The following MARCHF6 variants were observed in gnomAD, a reference collection of about 807,000 sequenced individuals.
The protein encoded by MARCHF6 is membrane associated ring-CH-type finger 6.
A neutral mutation model predicts 133.7 loss-of-function variants in MARCHF6; 31 were observed. The ratio of observed to expected loss-of-function variants is 0.23; its 90% CI spans 0.17 to 0.31. The LOEUF (loss-of-function observed/expected upper bound fraction) is 0.31, where lower values mean the gene tolerates loss of function less well. MARCHF6 is among the 10% of genes least tolerant of loss of function. The probability of loss-of-function intolerance (pLI) is 1.00; values close to 1 mark genes in which losing one functional copy is unlikely to be tolerated. For synonymous variants in MARCHF6, 395 were observed against 402.5 expected, an observed-to-expected ratio of 0.98 and a Z score of 0.22; for missense variants, 723 against 1,121.6, an observed-to-expected ratio of 0.64 and a Z score of 5.08.
intron 1 of MARCHF6, among the ~76,000 whole-genome samples, chr5:10,366,306 T>C (rs1347738869): frequency 6.6e-6 from 1 of 152,260 alleles, no homozygotes; most frequent in African/African-American, 2.4e-5. Flanking sequence ...TATTTTGGGC[T>C]ATATAGGTTA....
At chr5:10,400,952 G>A in intron 11 of MARCHF6, 110 bp downstream of exon 11, 1 of 866,932 alleles carries the variant, frequency 1.2e-6, no homozygotes, top group Non-Finnish European at 1.8e-6. Context: ...CATTATGCAA[G>A]GGAATAGTTA....
At chr5:10,427,378 T>G (rs971073740) in intron 24 of MARCHF6, among the ~76,000 whole-genome samples, 1 of 152,228 alleles carries the variant, frequency 6.6e-6, no homozygotes, top group Non-Finnish European at 1.5e-5. Flanking sequence ...TTTTTTTCAT[T>G]GGTTCCTCTG....
chr5:10,379,918 A>G, intron 3 of MARCHF6, among the ~76,000 whole-genome samples: 1 of 152,126 alleles, frequency 6.6e-6, no homozygotes. Context: ...ACAAAGTTTT[A>G]AATTACCGTT....
Position 10,418,381 on chromosome 5 carries a change from CA to C in MARCHF6, c.2283+993del, listed in dbSNP as rs36005391. Among the ~76,000 whole-genome samples, 639 of 92,220 alleles carry C rather than the reference CA, an allele frequency of 6.9e-3. 3 individuals are homozygous for C. Among genetic ancestry groups the C allele is most frequent in the African/African-American group, 0.018 (458 of 25,282 alleles). 60.5% of individuals were successfully genotyped at this position (92,220 alleles called of 152,430 possible). ...GGCGACAAGAGTGAGACCCTGTCTC[CA>C]AAAAAAAAAAAAAAACCAAGAGCAT... is the stretch of plus-strand genomic sequence containing the variant. On this transcript the variant is annotated intron_variant, in intron 22 of 25. Transcript: ENST00000274140.
At chr5:10,401,796 G>A (rs947203856) in intron 11 of MARCHF6, 9 of 507,086 alleles carry the variant, frequency 1.8e-5, no homozygotes, top group Non-Finnish European at 3.1e-5. Flanking sequence ...TCTTGTTTTT[G>A]TAAAATTTAA....
At chr5:10,374,171 A>G (rs1736632768) in intron 1 of MARCHF6, among the ~76,000 whole-genome samples, 1 of 152,190 alleles carries the variant, frequency 6.6e-6, no homozygotes, top group Non-Finnish European at 1.5e-5. Context: ...CCTGGAGGAT[A>G]ATGATTAAAA....
intron 21 of MARCHF6, among the ~76,000 whole-genome samples, chr5:10,416,181 A>C (rs759793774): frequency 1.3e-5 from 2 of 152,224 alleles, no homozygotes; most frequent in Admixed American, 6.5e-5. Flanking sequence ...CCACAAATGT[A>C]GGATAAAAAA....
intron 10 of MARCHF6, among the ~76,000 whole-genome samples, chr5:10,398,132 G>A (rs1004623427): frequency 6.6e-6 from 1 of 152,154 alleles, no homozygotes; most frequent in Non-Finnish European, 1.5e-5. Flanking sequence ...CCTATATAGG[G>A]ATAATCTATG....
At chr5:10,357,337 G>T (rs1310431063) in intron 1 of MARCHF6, among the ~76,000 whole-genome samples, 1 of 144,192 alleles carries the variant, frequency 6.9e-6, no homozygotes, top group Admixed American at 7.1e-5. Flanking sequence ...TTTCGGCTCA[G>T]TGATATAAAG....
intron 20 of MARCHF6, 138 bp downstream of exon 20, chr5:10,414,640 T>C: frequency 1.6e-6 from 1 of 635,984 alleles, no homozygotes; most frequent in Non-Finnish European, 2.7e-6. Flanking sequence ...ACTACTGGGC[T>C]CAAGCAATCC....
chr5:10,413,211 G>C (rs372853587), intron 19 of MARCHF6: 8 of 152,246 alleles, frequency 5.3e-5, no homozygotes, highest in African/African-American at 1.7e-4. Flanking sequence ...CTTAATAGCA[G>C]ATCTCATAGT....
chr5:10,380,602 T>G (rs955081761), intron 3 of MARCHF6, among the ~76,000 whole-genome samples: 8 of 152,224 alleles, frequency 5.3e-5, no homozygotes, highest in Non-Finnish European at 1.0e-4. Flanking sequence ...CCTATCGAAG[T>G]CAATGATCTG....
chr5:10,355,194 A>G (rs1304304816), intron 1 of MARCHF6, among the ~76,000 whole-genome samples: 1 of 152,236 alleles, frequency 6.6e-6, no homozygotes, highest in African/African-American at 2.4e-5. Context: ...TGTTTATTAT[A>G]TACACTGAGT....
intron 1 of MARCHF6, among the ~76,000 whole-genome samples, chr5:10,365,762 T>C (rs1469179349): frequency 6.6e-6 from 1 of 152,184 alleles, no homozygotes; most frequent in Non-Finnish European, 1.5e-5. Context: ...ACTATCTACT[T>C]GGGGACGAGA....
In MARCHF6 at chr5:10,439,400, C is replaced by T. The variant is rs1178518833; in HGVS notation, c.*5716C>T. On this transcript the variant is annotated 3_prime_UTR_variant, in exon 26 of 26. Coordinates refer to ENST00000274140, the MANE Select transcript of MARCHF6 (RefSeq NM_005885.4). ...TGGGTTAGGAAAAGATTTCTTAAAT[C>T]CAACACCAAAAGCACAATCCATGAA... 6.6e-6 allele frequency: 1 copy of T among 152,142 alleles called. No homozygotes were observed. The highest frequency in any genetic ancestry group is 2.4e-5 in the African/African-American group (1 of 41,430). The allele number at this position is 152,142 out of a possible 1,614,324, so 9.4% of individuals were successfully genotyped here. A position where few individuals can be genotyped will look rare whatever the true frequency, so the allele number is the denominator to read the frequency against.
chr5:10,400,900 A>C, intron 11 of MARCHF6, 58 bp downstream of exon 11: 1 of 1,290,068 alleles, frequency 7.8e-7, no homozygotes, highest in East Asian at 2.3e-5. Flanking sequence ...TGTGATTATT[A>C]ATAAAATAGT....
At chr5:10,390,606 TTTG>T (rs1160664450) in intron 6 of MARCHF6, 106 bp downstream of exon 6, 3 of 1,115,950 alleles carry the variant, frequency 2.7e-6, no homozygotes, top group Non-Finnish European at 3.8e-6. Context: ...TAAACATTCT[TTTG>T]TTATTACAAA....
chr5:10,355,271 CTA>C (rs1366078252), intron 1 of MARCHF6, among the ~76,000 whole-genome samples: 1 of 152,212 alleles, frequency 6.6e-6, no homozygotes, highest in Non-Finnish European at 1.5e-5. Flanking sequence ...AGGTTGCGAA[CTA>C]TTTCTTTTTG....
At chr5:10,360,990 T>C (rs1006620254) in intron 1 of MARCHF6, among the ~76,000 whole-genome samples, 3 of 152,196 alleles carry the variant, frequency 2.0e-5, no homozygotes, top group Admixed American at 6.5e-5. Flanking sequence ...ATTTTTAGTA[T>C]AATACAGTTA....
Sources: allele counts gnomAD v4.1 joint callset (sites outside exome capture counted in the v4.1 genomes callset), GRCh38; gene constraint gnomAD v4.1.1; transcripts MANE v1.5; gene names NCBI Gene and HGNC (gene_info 2026-07-23, HGNC 2026-07-21).